GREB1: variants seen among roughly 807,000 people sequenced by gnomAD.
GREB1 encodes the protein protein GREB1.
In GREB1, 106 loss-of-function variants were observed where a neutral mutation model predicts 200.7. The observed-to-expected ratio is 0.53, with a 90% CI of 0.45 to 0.62. The LOEUF (loss-of-function observed/expected upper bound fraction) is 0.62, where lower values mean the gene tolerates loss of function less well. Among genes scored for constraint, GREB1 ranks in the 20% least tolerant of loss-of-function variants. GREB1 has a pLI of 0.00. For synonymous variants in GREB1, 1,132 were observed against 1,092.4 expected, an observed-to-expected ratio of 1.04 and a Z score of -0.72; for missense variants, 2,243 against 2,556.8, an observed-to-expected ratio of 0.88 and a Z score of 2.65.
intron 19 of GREB1, 27 bp from the exon 20 acceptor site, chr2:11,615,064 C>T: frequency 6.4e-7 from 1 of 1,564,652 alleles, no homozygotes; most frequent in Non-Finnish European, 8.8e-7. Context: ...AGGCACTAAA[C>T]AGACACCTTC....
chr2:11,607,539 T>TAC (rs1558625101), intron 17 of GREB1, among the ~76,000 whole-genome samples: 1 of 138,342 alleles, frequency 7.2e-6, no homozygotes, highest in African/African-American at 2.8e-5. Flanking sequence ...CACATATATA[T>TAC]ACATATATGT....
chr2:11,631,182 C>T (rs1056479223), intron 26 of GREB1, among the ~76,000 whole-genome samples: 1 of 152,134 alleles, frequency 6.6e-6, no homozygotes, highest in East Asian at 1.9e-4. Context: ...GGCAGGTGCT[C>T]TGAGGAATTC....
In GREB1 at chr2:11,615,208, G is replaced by T. The variant is rs1209770173; in HGVS notation, c.3240G>T (p.Lys1080Asn). The change falls in exon 20 of 33, where the codon AAG becomes AAT. Residue 1080 changes from lysine to asparagine, a missense_variant. Lys to Asn is a moderately conservative substitution (Grantham distance 94). This residue lies in a region of GREB1 where 587 missense variants were observed against 553.1 expected (regional missense o/e 1.06). Coordinates refer to ENST00000381486, the MANE Select transcript of GREB1 (RefSeq NM_014668.4). ...TGAGCAACGAGGTTCCCTTGGAGAA[G>T]GGGGCTAGGAACGAGGCCTTGGAGA... ...YFVSNEVPLE[K>N]GARNEALESD... 6 of 1,614,102 alleles carry T rather than the reference G, an allele frequency of 3.7e-6. No homozygotes were observed. Among genetic ancestry groups the T allele is most frequent in the Non-Finnish European group, 5.1e-6 (6 of 1,179,978 alleles).
chr2:11,496,228 C>T (rs1672883317), intron 1 of GREB1, among the ~76,000 whole-genome samples: 1 of 152,154 alleles, frequency 6.6e-6, no homozygotes, highest in African/African-American at 2.4e-5. Flanking sequence ...GATCCCAGCT[C>T]ACAGGGATGC....
chr2:11,556,743 A>G lies in GREB1; in HGVS notation c.129A>G (p.Glu43=), dbSNP rs1676468382. Residue 43 remains glutamate (E), a synonymous_variant, in exon 2 of 33, where the codon GAA becomes GAG. Coordinates refer to ENST00000381486, the MANE Select transcript of GREB1 (RefSeq NM_014668.4). The part of the protein sequence containing the change: ...PRPIFSQLYL[E]AEQQLAALEG... ...CCATCTTTTCCCAGCTGTACCTGGA[A>G]GCTGAGCAGCAGCTTGCCGCTCTAG... is the stretch of plus-strand genomic sequence containing the variant. 6.2e-7 allele frequency: 1 copy of G among 1,613,970 alleles called. No homozygotes were observed. The highest frequency in any genetic ancestry group is 8.5e-7 in the Non-Finnish European group (1 of 1,180,018).
At position 11,640,372 on chromosome 2, in the gene GREB1, A is replaced by G. The variant is rs1156435592; in HGVS notation, c.5768A>G (p.Gln1923Arg). Residue 1923 changes from glutamine (Q) to arginine (R), a missense_variant, in exon 33 of 33, where the codon CAG (glutamine) becomes CGG (arginine). Physicochemically the swap from Gln to Arg is conservative, Grantham distance 43 (BLOSUM62 1). Transcript: ENST00000381486. The surrounding 1 kb of genome is among the most constrained non-coding windows in gnomAD (Gnocchi z 4.6). ...CGCCTGGAGCTCGAGGACGAGTGGCAGTTCCGGCTGCGCGATGAGTTCCAG... is the reference window on the plus strand; with the variant it reads ...CGCCTGGAGCTCGAGGACGAGTGGCGGTTCCGGCTGCGCGATGAGTTCCAG... ...VVRLELEDEW[Q>R]FRLRDEFQTA... is the part of the protein sequence containing the mutation. 1 of 1,614,226 alleles carries G rather than the reference A, an allele frequency of 6.2e-7. No individual in the cohort carries two copies. The highest frequency in any genetic ancestry group is 1.1e-5 in the South Asian group (1 of 91,086).
At chr2:11,499,987 C>CTT (rs1008344792) in intron 1 of GREB1, among the ~76,000 whole-genome samples, 3 of 144,002 alleles carry the variant, frequency 2.1e-5, no homozygotes, top group African/African-American at 2.5e-5. Flanking sequence ...GTAAAGTATA[C>CTT]TTTTTTTTTT....
intron 16 of GREB1, among the ~76,000 whole-genome samples, 198 bp from the exon 17 acceptor site, chr2:11,602,208 C>T (rs1681840919): frequency 6.6e-6 from 1 of 152,202 alleles, no homozygotes; most frequent in South Asian, 2.1e-4. Flanking sequence ...TGGGGACACA[C>T]CATTTTTAAA....
intron 2 of GREB1, among the ~76,000 whole-genome samples, chr2:11,560,288 G>T (rs1299655902): frequency 1.3e-5 from 2 of 152,186 alleles, no homozygotes; most frequent in Non-Finnish European, 2.9e-5. Context: ...TACTACACAT[G>T]ATTTCATCAT....
intron 18 of GREB1, 116 bp from the exon 19 acceptor site, chr2:11,612,379 C>G (rs1347055320): frequency 4.9e-6 from 7 of 1,432,416 alleles, no homozygotes; most frequent in Non-Finnish European, 6.5e-6. Flanking sequence ...TCCTTTTGGT[C>G]AGAAGATATA....
intron 30 of GREB1, among the ~76,000 whole-genome samples, chr2:11,637,239 T>C (rs1685454664): frequency 6.6e-6 from 1 of 152,086 alleles, no homozygotes; most frequent in Non-Finnish European, 1.5e-5. Context: ...GACTTTTCTC[T>C]AGGACTCACG....
intron 1 of GREB1, among the ~76,000 whole-genome samples, chr2:11,505,354 G>C (rs776144189): frequency 3.9e-5 from 6 of 152,012 alleles, no homozygotes; most frequent in Non-Finnish European, 7.4e-5. Context: ...GCATGCTCTT[G>C]GGGTGGAGAG....
intron 7 of GREB1, 73 bp from the exon 8 acceptor site, chr2:11,585,088 T>A: frequency 2.6e-6 from 2 of 770,432 alleles, no homozygotes; most frequent in Non-Finnish European, 3.9e-6. Context: ...ATCATTGTTC[T>A]CCAAACCAAG....
intron 29 of GREB1, among the ~76,000 whole-genome samples, chr2:11,634,732 A>G (rs1453323823): frequency 6.6e-6 from 1 of 152,008 alleles, no homozygotes; most frequent in Non-Finnish European, 1.5e-5. Context: ...TTCACGGAGT[A>G]CCTCTCCACT....
chr2:11,516,736 C>T (rs966337251), intron 1 of GREB1, among the ~76,000 whole-genome samples: 1 of 152,204 alleles, frequency 6.6e-6, no homozygotes, highest in Non-Finnish European at 1.5e-5. Flanking sequence ...TGGCGCCGTC[C>T]ATCTAAGGGA....
intron 21 of GREB1, among the ~76,000 whole-genome samples, chr2:11,617,030 C>G (rs917758420): frequency 6.6e-6 from 1 of 152,176 alleles, no homozygotes; most frequent in South Asian, 2.1e-4. Flanking sequence ...GGGGCGGGTC[C>G]CCGGGTGTTC....
upstream of GREB1, among the ~76,000 whole-genome samples, chr2:11,531,523 G>A (rs921077105): frequency 2.6e-5 from 4 of 152,004 alleles, no homozygotes; most frequent in East Asian, 1.9e-4. Context: ...AAAAAATTGC[G>A]TATAATTCTT....
intron 7 of GREB1, chr2:11,584,876 C>G (rs1283101275): frequency 7.4e-6 from 2 of 271,488 alleles, no homozygotes; most frequent in African/African-American, 2.2e-5. Flanking sequence ...CTATGCCGAT[C>G]GGGTGTCCGC....
rs1553366381 is a variant in GREB1 at position 11,587,741 on chromosome 2, A to ACG, written c.1160-1003_1160-1002dup. ...CACACACACACACACACACACACAC[A>ACG]CGCCACCTTTGGGAGCTCAGCAGCC... On this transcript the variant is annotated intron_variant, in intron 9 of 32. Transcript: ENST00000381486. The ACG allele has an allele frequency of 2.3e-4, 185 of 788,384 alleles. 6 individuals are homozygous for ACG. The African/African-American group carries it at 2.8e-3, about 12-fold the overall frequency. 48.8% of individuals were successfully genotyped at this position (788,384 alleles called of 1,614,324 possible).
Sources: gnomAD v4.1 joint callset for allele counts (sites outside exome capture counted in the v4.1 genomes callset) on GRCh38, gnomAD v4.1.1 for gene constraint, gnomAD v4.1.1 regional missense constraint, Gnocchi (gnomAD v3.1) non-coding constraint, MANE v1.5 for transcripts, NCBI Gene and HGNC (gene_info 2026-07-23, HGNC 2026-07-21) for gene names.